Variants in CALN1 observed in about 807,000 individuals in gnomAD.
CALN1 encodes the protein calneuron 1.
Under a neutral mutation model 30.6 loss-of-function variants are expected in CALN1, and 17 were observed. The observed-to-expected ratio is 0.56, with a 90% confidence interval of 0.38 to 0.83. The LOEUF (loss-of-function observed/expected upper bound fraction) is 0.83, where lower values mean the gene tolerates loss of function less well. CALN1 is among the 40% of genes least tolerant of loss of function. The probability of loss-of-function intolerance (pLI) is 0.00; values close to 1 mark genes in which losing one functional copy is unlikely to be tolerated. For missense variants in CALN1, 291 were observed against 354.9 expected (o/e 0.82, Z 1.45); for synonymous variants, 156 against 131.4 (o/e 1.19, Z -1.28).
At chr7:72,333,107 T>C (rs1292122754) in intron 2 of CALN1, among the ~76,000 whole-genome samples, 1 of 152,160 alleles carries the variant, frequency 6.6e-6, no homozygotes, top group African/African-American at 2.4e-5. Flanking sequence ...GTGTTCTAAT[T>C]TCTCAGACTT....
chr7:71,941,245 G>C (rs1028960220), intron 5 of CALN1, among the ~76,000 whole-genome samples: 1 of 128,288 alleles, frequency 7.8e-6, no homozygotes, highest in African/African-American at 2.6e-5. Flanking sequence ...AGCTACTTGG[G>C]AGGCTGAGGC....
At chr7:71,809,821 CTTTT>C (rs554350206) in intron 6 of CALN1, among the ~76,000 whole-genome samples, 1 of 148,304 alleles carries the variant, frequency 6.7e-6, no homozygotes, top group Non-Finnish European at 1.5e-5. Flanking sequence ...GACTCTGTCC[CTTTT>C]TTTTTTCTTT....
At chr7:72,336,396 C>A (rs1014447758) in intron 2 of CALN1, among the ~76,000 whole-genome samples, 2 of 152,126 alleles carry the variant, frequency 1.3e-5, no homozygotes, top group Non-Finnish European at 2.9e-5. Context: ...CAGCCTCCAG[C>A]CCGCACGGTG....
In CALN1 at chr7:72,149,424, G is replaced by A. The variant is rs144509489; in HGVS notation, c.245-43130C>T. 9.9e-3 allele frequency among the ~76,000 whole-genome samples: 1,498 copies of A among 151,352 alleles called. 24 individuals are homozygous for A. The highest frequency in any genetic ancestry group is 0.034 in the African/African-American group (1,419 of 41,236). The stretch of plus-strand genomic sequence containing the variant: ...GGAGGATGCAGTGAGCTGAGATCAC[G>A]CCACTGCACTCCAGGCTGGGTGACA... On this transcript the variant is annotated intron_variant, in intron 3 of 6. Coordinates refer to ENST00000395275, the MANE Select transcript of CALN1 (RefSeq NM_031468.4).
intron 4 of CALN1, among the ~76,000 whole-genome samples, chr7:72,080,515 A>T (rs1361337564): frequency 6.6e-6 from 1 of 152,142 alleles, no homozygotes; most frequent in Non-Finnish European, 1.5e-5. Context: ...TGTTCAACTA[A>T]TGTCTGTGGA....
intron 5 of CALN1, among the ~76,000 whole-genome samples, chr7:71,879,375 A>C (rs1792437367): frequency 1.3e-5 from 2 of 152,180 alleles, no homozygotes; most frequent in African/African-American, 4.8e-5. Context: ...GCCTACTTAC[A>C]TCTCCCTCCA....
chr7:71,787,513 A>G lies in CALN1; in HGVS notation c.*262T>C. On this transcript the variant is annotated 3_prime_UTR_variant, in exon 7 of 7. Transcript: ENST00000395275. ...AGTTATGACTGATGGTTGAAGCAAT[A>G]ATTTGGAAATCCTGGCGATTTATTG... 1.0e-5 allele frequency: 4 copies of G among 391,576 alleles called. No individual in the cohort carries two copies. The South Asian group carries it at 1.7e-4, about 17-fold the overall frequency. 24.3% of individuals were successfully genotyped at this position (391,576 alleles called of 1,614,324 possible). A position where few individuals can be genotyped will look rare whatever the true frequency, so the allele number is the denominator to read the frequency against.
chr7:71,974,643 T>C (rs144940664), intron 5 of CALN1, among the ~76,000 whole-genome samples: 18 of 152,182 alleles, frequency 1.2e-4, no homozygotes, highest in African/African-American at 3.9e-4. Context: ...TCTGGATGAA[T>C]TGACAAGCAT....
At chr7:71,882,868 G>GTGTA in intron 5 of CALN1, among the ~76,000 whole-genome samples, 1 of 150,546 alleles carries the variant, frequency 6.6e-6, no homozygotes, top group South Asian at 2.1e-4. Context: ...GTGTGTGTGT[G>GTGTA]TGTGTGTGTG....
chr7:71,984,525 A>G (rs1160323786), intron 5 of CALN1, among the ~76,000 whole-genome samples: 6 of 152,202 alleles, frequency 3.9e-5, no homozygotes, highest in Non-Finnish European at 8.8e-5. Context: ...ACTGGAGAGA[A>G]CATTTGGACC....
chr7:72,106,855 A>T (rs112928853), intron 3 of CALN1, among the ~76,000 whole-genome samples: 1 of 80,434 alleles, frequency 1.2e-5, no homozygotes, highest in Non-Finnish European at 3.0e-5. Flanking sequence ...GGAGGAGGGA[A>T]GGAAGGAGGA....
intron 3 of CALN1, among the ~76,000 whole-genome samples, chr7:72,192,662 T>C (rs989278909): frequency 9.1e-6 from 1 of 110,398 alleles, no homozygotes; most frequent in Non-Finnish European, 1.7e-5. Context: ...ATTATTATTA[T>C]TATTATTATT....
At chr7:72,217,789 G>A (rs1031959752) in intron 3 of CALN1, among the ~76,000 whole-genome samples, 4 of 150,990 alleles carry the variant, frequency 2.6e-5, no homozygotes, top group African/African-American at 7.3e-5. Flanking sequence ...ATCAGCTTGG[G>A]CAATATAGCG....
chr7:71,808,243 T>G (rs1187040957), intron 6 of CALN1, among the ~76,000 whole-genome samples: 1 of 151,968 alleles, frequency 6.6e-6, no homozygotes, highest in Non-Finnish European at 1.5e-5. Context: ...TAATTAATGT[T>G]AAGCCACTTA....
chr7:72,054,492 C>T (rs13246164), intron 4 of CALN1, among the ~76,000 whole-genome samples: 1 of 96,182 alleles, frequency 1.0e-5, no homozygotes, highest in Non-Finnish European at 2.2e-5. Flanking sequence ...TATATATATA[C>T]ATATATACAT....
the CALN1 span, among the ~76,000 whole-genome samples, chr7:72,490,358 C>T: frequency 1.3e-5 from 2 of 152,152 alleles, no homozygotes; most frequent in Non-Finnish European, 2.9e-5. Flanking sequence ...AAAATGTTGA[C>T]AGAGAGGGTT....
chr7:72,168,121 AT>A (rs1788656961), intron 3 of CALN1, among the ~76,000 whole-genome samples: 2 of 152,032 alleles, frequency 1.3e-5, no homozygotes, highest in Non-Finnish European at 2.9e-5. Context: ...GTGATGGCTT[AT>A]TTTGGGTTTT....
rs182422480 is a variant in CALN1, at chr7:71,887,592, C to A, written c.502-77100G>T. 3.2e-4 allele frequency among the ~76,000 whole-genome samples: 49 copies of A among 152,288 alleles called. No individual in the cohort carries two copies. The East Asian group carries it at 8.9e-3, about 28-fold the overall frequency. On this transcript the variant is annotated intron_variant, in intron 5 of 6. Transcript: ENST00000395275. ...GGGATTACAGGCATGAGCCACTGCA[C>A]CTAGCCCATGATTATGTTTATAGTT...
At chr7:72,384,053 T>C (rs537491378) in intron 2 of CALN1, among the ~76,000 whole-genome samples, 1 of 152,354 alleles carries the variant, frequency 6.6e-6, no homozygotes, top group South Asian at 2.1e-4. Context: ...CCAACCCAAA[T>C]GCCCATCAAT....
Sources: allele counts gnomAD v4.1 joint callset (sites outside exome capture counted in the v4.1 genomes callset), GRCh38; gene constraint gnomAD v4.1.1; transcripts MANE v1.5; gene names NCBI Gene and HGNC (gene_info 2026-07-23, HGNC 2026-07-21).